Variants in CPA6 observed in about 807,000 individuals in gnomAD.
The protein encoded by CPA6 is carboxypeptidase A6.
A neutral mutation model predicts 63.3 loss-of-function variants in CPA6; 58 were observed. That is an observed-to-expected ratio of 0.92 (90% CI 0.74 to 1.14). The LOEUF (loss-of-function observed/expected upper bound fraction) is 1.14, where lower values mean the gene tolerates loss of function less well. Among genes scored for constraint, CPA6 ranks in the 50% most tolerant of loss-of-function variants. The pLI, the probability that CPA6 is intolerant of heterozygous loss-of-function variation, is 0.00. For synonymous variants in CPA6, 185 were observed against 179.0 expected (o/e 1.03, Z -0.27); for missense variants, 565 against 526.6 (o/e 1.07, Z -0.71).
chr8:67,613,557 T>C (rs1564024281), intron 2 of CPA6, among the ~76,000 whole-genome samples: 1 of 152,208 alleles, frequency 6.6e-6, no homozygotes. Context: ...TTAGTACAAA[T>C]GTGGAAATGA....
At chr8:67,535,815 C>G (rs1812572746) in intron 2 of CPA6, among the ~76,000 whole-genome samples, 1 of 152,146 alleles carries the variant, frequency 6.6e-6, no homozygotes, top group Admixed American at 6.5e-5. Context: ...CCTAGGTTTT[C>G]TTCTAGGGTT....
At chr8:67,586,625 C>T (rs575597681) in intron 2 of CPA6, among the ~76,000 whole-genome samples, 5 of 152,206 alleles carry the variant, frequency 3.3e-5, no homozygotes, top group South Asian at 4.1e-4. Flanking sequence ...GAATATAATT[C>T]GTTCTGTGGC....
chr8:67,424,635 G>T (rs1283800305), intron 10 of CPA6, among the ~76,000 whole-genome samples: 1 of 152,092 alleles, frequency 6.6e-6, no homozygotes, highest in Admixed American at 6.6e-5. Flanking sequence ...TATGCCCTTG[G>T]TTACCCTCTT....
intron 2 of CPA6, among the ~76,000 whole-genome samples, chr8:67,585,579 T>C (rs1316401832): frequency 6.6e-6 from 1 of 152,212 alleles, no homozygotes; most frequent in Non-Finnish European, 1.5e-5. Context: ...TCTAATGTTT[T>C]GCTTAAACTA....
At chr8:67,554,587 T>G (rs1399787744) in intron 2 of CPA6, among the ~76,000 whole-genome samples, 2 of 152,182 alleles carry the variant, frequency 1.3e-5, no homozygotes, top group Non-Finnish European at 2.9e-5. Context: ...ATAGTCTGTC[T>G]GCAAGCTGGA....
chr8:67,471,960 G>A (rs551338183), intron 8 of CPA6, among the ~76,000 whole-genome samples: 4 of 152,220 alleles, frequency 2.6e-5, no homozygotes, highest in East Asian at 1.9e-4. Context: ...TGAAATTTAC[G>A]AAAATAAAAA....
chr8:67,736,930 G>A (rs1387034813), intron 1 of CPA6, among the ~76,000 whole-genome samples: 2 of 152,280 alleles, frequency 1.3e-5, no homozygotes, highest in African/African-American at 4.8e-5. Context: ...TAAATATTTA[G>A]TTGGTTCCCT....
At chr8:67,447,079 C>CAT (rs35650136) in intron 8 of CPA6, among the ~76,000 whole-genome samples, 2 of 150,618 alleles carry the variant, frequency 1.3e-5, no homozygotes, top group Non-Finnish European at 3.0e-5. Flanking sequence ...CATATATACA[C>CAT]ATATATATAC....
At chr8:67,568,465 G>C (rs1394097899) in intron 2 of CPA6, among the ~76,000 whole-genome samples, 1 of 152,042 alleles carries the variant, frequency 6.6e-6, no homozygotes, top group African/African-American at 2.4e-5. Flanking sequence ...AATAAATAGA[G>C]ACAATACACA....
chr8:67,746,194 G>C lies in CPA6; in HGVS notation c.-65C>G, dbSNP rs1818008022. 4.2e-5 allele frequency: 52 copies of C among 1,240,330 alleles called. No homozygotes were observed. The South Asian group carries it at 6.3e-4, about 15-fold the overall frequency. The allele number at this position is 1,240,330 out of a possible 1,614,324, so 76.8% of individuals were successfully genotyped here. A position where few individuals can be genotyped will look rare whatever the true frequency, so the allele number is the denominator to read the frequency against. ...CACCCGAGGCTGGAGGTGGCTCACA[G>C]CACCCTCTACACACCGCACAGGTTC... On this transcript the variant is annotated 5_prime_UTR_variant, in exon 1 of 11. Transcript: ENST00000297770.
chr8:67,593,054 G>A (rs1467825000), intron 2 of CPA6, among the ~76,000 whole-genome samples: 3 of 149,516 alleles, frequency 2.0e-5, no homozygotes, highest in Admixed American at 6.7e-5. Context: ...ACACTGCTTT[G>A]AATGTGTCCC....
intron 1 of CPA6, among the ~76,000 whole-genome samples, chr8:67,690,365 C>A (rs1816791751): frequency 6.6e-6 from 1 of 152,126 alleles, no homozygotes; most frequent in South Asian, 2.1e-4. Flanking sequence ...ATATTAATTA[C>A]TATTACAAAT....
Position 67,422,364 on chromosome 8 carries a change from C to T in CPA6, c.*140G>A. 1 of 612,310 alleles carries T rather than the reference C, an allele frequency of 1.6e-6. No homozygotes were observed. The highest frequency in any genetic ancestry group is 3.8e-5 in the South Asian group (1 of 26,300). 37.9% of individuals were successfully genotyped at this position (612,310 alleles called of 1,614,324 possible). A position where few individuals can be genotyped will look rare whatever the true frequency, so the allele number is the denominator to read the frequency against. ...TTACTGTTTTCTATTGCCACAAAGT[C>T]AAATTGCGTGGGGTCTTTTTAAAGT... is the stretch of plus-strand genomic sequence containing the variant. On this transcript the variant is annotated 3_prime_UTR_variant, in exon 11 of 11. Coordinates refer to ENST00000297770, the MANE Select transcript of CPA6 (RefSeq NM_020361.5).
intron 8 of CPA6, among the ~76,000 whole-genome samples, chr8:67,447,246 G>A (rs1274402255): frequency 6.6e-6 from 1 of 151,532 alleles, no homozygotes; most frequent in African/African-American, 2.4e-5. Flanking sequence ...ATTCAGATTT[G>A]AATTCATTCT....
intron 1 of CPA6, among the ~76,000 whole-genome samples, chr8:67,729,471 G>A (rs1817665441): frequency 6.6e-6 from 1 of 152,150 alleles, no homozygotes; most frequent in African/African-American, 2.4e-5. Flanking sequence ...AAACTTCCAT[G>A]TGCCTGTTAA....
intron 6 of CPA6, among the ~76,000 whole-genome samples, chr8:67,496,946 C>T (rs773157575): frequency 1.3e-5 from 2 of 152,134 alleles, no homozygotes; most frequent in Non-Finnish European, 2.9e-5. Flanking sequence ...TAGGCAACCA[C>T]TAATCTACTT....
At chr8:67,685,526 G>A in intron 1 of CPA6, among the ~76,000 whole-genome samples, 1 of 152,244 alleles carries the variant, frequency 6.6e-6, no homozygotes, top group Non-Finnish European at 1.5e-5. Flanking sequence ...GGCTGGGGCA[G>A]GAGAATGGCG....
At chr8:67,589,654 C>T (rs900827177) in intron 2 of CPA6, among the ~76,000 whole-genome samples, 21 of 152,032 alleles carry the variant, frequency 1.4e-4, no homozygotes, top group African/African-American at 3.9e-4. Flanking sequence ...TATAAACATC[C>T]TTGCTATAAA....
intron 1 of CPA6, among the ~76,000 whole-genome samples, chr8:67,648,495 C>T (rs1184167861): frequency 1.1e-4 from 17 of 152,206 alleles, no homozygotes; most frequent in African/African-American, 3.6e-4. Flanking sequence ...GCATAAGTCA[C>T]GTCTGGAACC....
Sources: allele counts gnomAD v4.1 joint callset (sites outside exome capture counted in the v4.1 genomes callset), GRCh38; gene constraint gnomAD v4.1.1; transcripts MANE v1.5; gene names NCBI Gene and HGNC (gene_info 2026-07-23, HGNC 2026-07-21).